The following MST1R variants were observed in gnomAD, a reference collection of about 807,000 sequenced individuals.
MST1R encodes macrophage stimulating 1 receptor, also known as macrophage-stimulating protein receptor.
Under a neutral mutation model 117.8 loss-of-function variants are expected in MST1R, and 99 were observed. That is an observed-to-expected ratio of 0.84 (90% CI 0.71 to 0.99). The LOEUF (loss-of-function observed/expected upper bound fraction) is 0.99, where lower values mean the gene tolerates loss of function less well. MST1R is among the 50% of genes least tolerant of loss of function. The pLI is 0.00. For synonymous variants in MST1R, 734 were observed against 765.3 expected, an observed-to-expected ratio of 0.96 and a Z score of 0.68; for missense variants, 1,683 against 1,840.2, an observed-to-expected ratio of 0.91 and a Z score of 1.56.
intron 14 of MST1R, among the ~76,000 whole-genome samples, chr3:49,894,840 G>A (rs530601104): frequency 3.3e-5 from 5 of 149,838 alleles, no homozygotes; most frequent in Non-Finnish European, 5.9e-5. Context: ...AAGGAGTCTC[G>A]CTCTGTCGCC....
In MST1R at chr3:49,897,377, G is replaced by A. The variant is rs573668188; in HGVS notation, c.2086C>T (p.Arg696Trp). Residue 696 changes from arginine (R) to tryptophan (W), a missense_variant, in exon 7 of 20, where the codon CGG becomes TGG. Transcript: ENST00000296474. ...LIAVQPLFGP[R>W]AGGTCLTLEG... ...AGAGTGAGACAGGTGCCTCCTGCCC[G>A]TGGGCCAAAGAGGGGTTGCACTGCT... 5.6e-5 allele frequency: 90 copies of A among 1,613,916 alleles called. No individual in the cohort carries two copies. The Admixed American group carries it at 6.7e-4, about 12-fold the overall frequency.
At position 49,891,623 on chromosome 3, in the gene MST1R, T is replaced by C. The variant is rs201361206; in HGVS notation, c.3353-43A>G. The C allele has an allele frequency of 8.3e-5, 133 of 1,611,864 alleles. No homozygotes were observed. In the African/African-American group the frequency reaches 1.5e-3, roughly 19 times the overall value. ...TCAGGCACAGGGCAGGGCGTCCCTT[T>C]ATAAGGCTCAGATGGGGAAATGGGA... On this transcript the variant is annotated intron_variant, in intron 15 of 19. Transcript: ENST00000296474.
rs1009011447 is a variant in MST1R at position 49,903,745 on chromosome 3, C to T, written c.-136G>A. Reference sequence around the variant, plus strand: ...GTCCCGACAGCCCCAAGATAGCGGACCCCCGCCCCAGGTTCCTGTGAAACC... The same window carrying T: ...GTCCCGACAGCCCCAAGATAGCGGATCCCCGCCCCAGGTTCCTGTGAAACC... On this transcript the variant is annotated 5_prime_UTR_variant, in exon 1 of 20. Transcript: ENST00000296474. 125 of 1,234,564 alleles carry T rather than the reference C, an allele frequency of 1.0e-4. 1 individual carries two copies. In the East Asian group the frequency reaches 3.2e-3, roughly 31 times the overall value. 76.5% of individuals were successfully genotyped at this position (1,234,564 alleles called of 1,614,324 possible).
chr3:49,898,182 G>A lies in MST1R; in HGVS notation c.1749C>T (p.Gly583=), dbSNP rs1209443728. The stretch of plus-strand genomic sequence containing the variant: ...AGCCACACAGGGTCAGCCTTGTACT[G>A]CCCCTTAGAGGTCCACTGTGGGGGT... ...EFHPHSGPLR[G]STRLTLCGSN... is the part of the protein sequence containing the mutation. Residue 583 remains glycine (G), a synonymous_variant, in exon 5 of 20, where the codon GGC becomes GGT. Transcript: ENST00000296474. 1.2e-6 allele frequency: 2 copies of A among 1,613,908 alleles called. No individual in the cohort carries two copies. The highest frequency in any genetic ancestry group is 1.1e-5 in the South Asian group (1 of 91,086).
intron 19 of MST1R, among the ~76,000 whole-genome samples, chr3:49,888,286 A>G (rs1437516250): frequency 6.6e-6 from 1 of 152,070 alleles, no homozygotes; most frequent in Non-Finnish European, 1.5e-5. Context: ...AACACAAAAT[A>G]TTAGCCGGGC....
rs778931500 is a variant in MST1R at position 49,902,646 on chromosome 3, G to C, written c.964C>G (p.Arg322Gly). 3 of 1,613,464 alleles carry C rather than the reference G, an allele frequency of 1.9e-6. No individual in the cohort carries two copies. The highest frequency in any genetic ancestry group is 2.5e-6 in the Non-Finnish European group (3 of 1,180,050). The change falls in exon 1 of 20, where the codon CGG (arginine) becomes GGG (glycine). Residue 322 changes from arginine to glycine, a missense_variant. Physicochemically the swap from Arg to Gly is moderately radical, Grantham distance 125 (BLOSUM62 -2). Transcript: ENST00000296474. ...CCCACTGGAGCGGAGTGGGCCACCC[G>C]CAGCACAGGGTAGGGCTGTCCGCCT... ...PEGGQPYPVL[R>G]VAHSAPVGAQ...
At chr3:49,892,566 G>A (rs1320141211) in intron 14 of MST1R, among the ~76,000 whole-genome samples, 3 of 151,472 alleles carry the variant, frequency 2.0e-5, no homozygotes, top group African/African-American at 4.9e-5. Flanking sequence ...CAGTGCGCCT[G>A]TAATCCCAGT....
rs1239622228 is a variant in MST1R at position 49,897,622 on chromosome 3, C to A, written c.1944G>T (p.Gln648His). The A allele has an allele frequency of 6.2e-7, 1 of 1,614,184 alleles. No individual in the cohort carries two copies. The highest frequency in any genetic ancestry group is 2.2e-5 in the East Asian group (1 of 44,894). ...FECELEPLGT[Q>H]AVGPTNVSLT... Reference sequence around the variant, plus strand: ...GGCTGACGTTGGTAGGCCCCACTGCCTGGGTGCCCAAGGGCTCCAGTTCAC... The same window carrying A: ...GGCTGACGTTGGTAGGCCCCACTGCATGGGTGCCCAAGGGCTCCAGTTCAC... Residue 648 changes from glutamine to histidine, a missense_variant, in exon 6 of 20, where the codon CAG becomes CAT. Physicochemically the swap from Gln to His is conservative, Grantham distance 24. Transcript: ENST00000296474.
intron 14 of MST1R, among the ~76,000 whole-genome samples, chr3:49,893,208 G>A (rs961589351): frequency 6.6e-6 from 1 of 151,856 alleles, no homozygotes; most frequent in Non-Finnish European, 1.5e-5. Flanking sequence ...GAATCCGGGA[G>A]GCAGAGGTTG....
rs1210059830 is a variant in MST1R at position 49,898,686 on chromosome 3, A to G, written c.1551T>C (p.Val517=). ...DHLLFASGDQ[V]FQVPIQGPGC... ...CAGGGCCTTGGATAGGTACCTGGAAAACCTGTGGGTGAAAGACAGGTGACT... is the reference window on the plus strand; with the variant it reads ...CAGGGCCTTGGATAGGTACCTGGAAGACCTGTGGGTGAAAGACAGGTGACT... The change falls in exon 4 of 20, where the codon GTT becomes GTC. Residue 517 remains valine (V), a splice_region_variant and synonymous_variant. Coordinates refer to ENST00000296474, the MANE Select transcript of MST1R (RefSeq NM_002447.4). 6.2e-7 allele frequency: 1 copy of G among 1,613,988 alleles called. No individual in the cohort carries two copies. The highest frequency in any genetic ancestry group is 1.7e-4 in the Middle Eastern group (1 of 6,060).
In MST1R at chr3:49,896,873, A is replaced by G. The variant is rs758389040; in HGVS notation, c.2201T>C (p.Leu734Pro). The G allele has an allele frequency of 6.5e-6, 10 of 1,530,474 alleles. No individual in the cohort carries two copies. In the South Asian group the frequency reaches 8.7e-5, roughly 13 times the overall value. 94.8% of individuals were successfully genotyped at this position (1,530,474 alleles called of 1,614,324 possible). A position where few individuals can be genotyped will look rare whatever the true frequency, so the allele number is the denominator to read the frequency against. Residue 734 changes from leucine to proline, a missense_variant, in exon 8 of 20, where the codon CTT (leucine) becomes CCT (proline). Physicochemically the swap from Leu to Pro is moderately conservative, Grantham distance 98. Transcript: ENST00000296474. ...CLLARVSEGQ[L>P]LCATPPGATV... Reference sequence around the variant, plus strand: ...GGCCCCAGGGGGTGTGGCACATAAAAGCTGCCCCTCACTGACCCTACAGGA... The same window carrying G: ...GGCCCCAGGGGGTGTGGCACATAAAGGCTGCCCCTCACTGACCCTACAGGA...
At position 49,896,075 on chromosome 3, in the gene MST1R, C is replaced by T; in HGVS notation, c.2682G>A (p.Val894=). The T allele has an allele frequency of 5.6e-6, 9 of 1,611,790 alleles. No individual in the cohort carries two copies. The highest frequency in any genetic ancestry group is 7.6e-6 in the Non-Finnish European group (9 of 1,178,588). The part of the protein sequence containing the change: ...YIGLGAVADC[V]GINVTVGGES... Reference sequence around the variant, plus strand: ...CACCACCCACGGTCACGTTGATACCCACACAGTCAGCCACAGCGCCCAGCC... The same window carrying T: ...CACCACCCACGGTCACGTTGATACCTACACAGTCAGCCACAGCGCCCAGCC... Residue 894 remains valine (V), a synonymous_variant, in exon 11 of 20, where the codon GTG becomes GTA. Transcript: ENST00000296474.
chr3:49,899,129 G>T lies in MST1R; in HGVS notation c.1365C>A (p.Arg455=), dbSNP rs143816851. The part of the protein sequence containing the change: ...PVQVTALYVT[R]LDNVTVAHMG... ...TGTGTGCCACTGTGACGTTGTCAAG[G>T]CGTGTCACATACAATGCAGTGACCT... The change falls in exon 2 of 20, where the codon CGC becomes CGA. Residue 455 remains arginine, a synonymous_variant. Coordinates refer to ENST00000296474, the MANE Select transcript of MST1R (RefSeq NM_002447.4). 1.4e-4 allele frequency: 219 copies of T among 1,614,038 alleles called. No homozygotes were observed. The highest frequency in any genetic ancestry group is 1.7e-4 in the Non-Finnish European group (206 of 1,180,048).
chr3:49,890,370 G>T, intron 18 of MST1R, 115 bp downstream of exon 18: 1 of 1,150,946 alleles, frequency 8.7e-7, no homozygotes, highest in African/African-American at 1.6e-5. Flanking sequence ...GATGGGCTGT[G>T]GGGGTCATCT....
At position 49,898,596 on chromosome 3, in the gene MST1R, C is replaced by T. The variant is rs991951515; in HGVS notation, c.1641G>A (p.Trp547Ter). ...TCTGCTGGCCGCACATGTTCCCACA[C>T]CAGCCACAGCCCATGAAATGCCATG... The part of the protein sequence containing the change: ...LRAWHFMGCG[W>*]CGNMCGQQKE... The change falls in exon 4 of 20, where the codon TGG becomes TGA. Residue 547 changes from tryptophan (W) to a stop codon, truncating the protein, a stop_gained. Transcript: ENST00000296474. LOFTEE classifies it high-confidence loss of function. 6.2e-7 allele frequency: 1 copy of T among 1,614,062 alleles called. No homozygotes were observed. Among genetic ancestry groups the T allele is most frequent in the African/African-American group, 1.3e-5 (1 of 74,954 alleles).
At position 49,896,271 on chromosome 3, in the gene MST1R, C is replaced by T. The variant is rs140736052; in HGVS notation, c.2573G>A (p.Arg858His). The change falls in exon 10 of 20, where the codon CGC becomes CAC. Residue 858 changes from arginine (R) to histidine (H), a missense_variant. Transcript: ENST00000296474. ...GAAGFTLPGF[R>H]FLPPPHPPSA... Reference sequence around the variant, plus strand: ...GGGTGGATGGGGTGGGGGTAGGAAGCGAAAGCCAGGCAGTGTAAAGCCAGC... The same window carrying T: ...GGGTGGATGGGGTGGGGGTAGGAAGTGAAAGCCAGGCAGTGTAAAGCCAGC... 4.7e-5 allele frequency: 76 copies of T among 1,614,004 alleles called. No individual in the cohort carries two copies. The highest frequency in any genetic ancestry group is 5.0e-5 in the Admixed American group (3 of 59,998).
rs1038669991 is a variant in MST1R, at chr3:49,903,750, G to A, written c.-141C>T. On this transcript the variant is annotated 5_prime_UTR_variant, in exon 1 of 20. Transcript: ENST00000296474. ...GACAGCCCCAAGATAGCGGACCCCC[G>A]CCCCAGGTTCCTGTGAAACCCAAAT... 127 of 1,194,494 alleles carry A rather than the reference G, an allele frequency of 1.1e-4. No homozygotes were observed. The highest frequency in any genetic ancestry group is 2.1e-4 in the Admixed American group (7 of 34,034). 74.0% of individuals were successfully genotyped at this position (1,194,494 alleles called of 1,614,324 possible).
Position 49,895,846 on chromosome 3 carries a change from C to A in MST1R, c.2831G>T (p.Arg944Ile). 3 of 1,612,694 alleles carry A rather than the reference C, an allele frequency of 1.9e-6. No individual in the cohort carries two copies. Among genetic ancestry groups the A allele is most frequent in the Non-Finnish European group, 2.5e-6 (3 of 1,179,272 alleles). Residue 944 changes from arginine to isoleucine, a missense_variant, in exon 12 of 20, where the codon AGA becomes ATA. Transcript: ENST00000296474. ...CVDGECHILGRVVRPGPDGVP... is the reference protein window; with the variant it reads ...CVDGECHILGIVVRPGPDGVP... ...CCCATCTGGCCCTGGCCGCACCACT[C>A]TACCCAGGATATGACATTCACCATC...
Position 49,887,345 on chromosome 3 carries a change from G to A in MST1R, c.4165C>T (p.Arg1389Trp), listed in dbSNP as rs368818557. The part of the protein sequence containing the change: ...QFSPMPGNVR[R>W]PRPLSEPPRP... ...GGAGGCTCTGAGAGTGGCCGGGGCC[G>A]GCGTACATTCCCTGGCATGGGTGAG... The change falls in exon 20 of 20, where the codon CGG (arginine) becomes TGG (tryptophan). Residue 1389 changes from arginine to tryptophan, a missense_variant. Coordinates refer to ENST00000296474, the MANE Select transcript of MST1R (RefSeq NM_002447.4). 23 of 1,614,086 alleles carry A rather than the reference G, an allele frequency of 1.4e-5. No individual in the cohort carries two copies. The highest frequency in any genetic ancestry group is 1.6e-4 in the Middle Eastern group (1 of 6,082).
Sources: gnomAD v4.1 joint callset for allele counts (sites outside exome capture counted in the v4.1 genomes callset) on GRCh38, gnomAD v4.1.1 for gene constraint, MANE v1.5 for transcripts, NCBI Gene and HGNC (gene_info 2026-07-23, HGNC 2026-07-21) for gene names.